MPP7: variants seen among roughly 807,000 people sequenced by gnomAD.
MPP7 encodes MAGUK p55 scaffold protein 7, also known as MAGUK p55 subfamily member 7.
MPP7 carries 60 observed loss-of-function variants against 76.5 expected under a neutral mutation model. The observed-to-expected ratio is 0.78, with a 90% CI of 0.64 to 0.97. The LOEUF (loss-of-function observed/expected upper bound fraction) is 0.97. Among genes scored for constraint, MPP7 ranks in the 50% least tolerant of loss-of-function variants. The probability of loss-of-function intolerance (pLI) is 0.00; values close to 1 mark genes in which losing one functional copy is unlikely to be tolerated. For missense variants in MPP7, 641 were observed against 694.0 expected (o/e 0.92, Z 0.86); for synonymous variants, 237 against 244.5 (o/e 0.97, Z 0.29).
In MPP7 at chr10:28,187,508, G is replaced by A. The variant is rs556285250; in HGVS notation, c.156+14645C>T. 3.9e-5 allele frequency among the ~76,000 whole-genome samples: 6 copies of A among 152,260 alleles called. No homozygotes were observed. The South Asian group carries it at 6.2e-4, about 16-fold the overall frequency. ...CAGACCAGGTGGCCATGGATCATTC[G>A]CAATGTCTGGCTGTCTTTTTGTTTT... On this transcript the variant is annotated intron_variant, in intron 3 of 16. Coordinates refer to ENST00000683449, the MANE Select transcript of MPP7 (RefSeq NM_001318170.2).
chr10:28,219,000 T>G (rs953592585), intron 2 of MPP7, among the ~76,000 whole-genome samples: 23 of 152,184 alleles, frequency 1.5e-4, no homozygotes, highest in African/African-American at 5.5e-4. Flanking sequence ...AGTATCTAGA[T>G]CTATTGATCT....
chr10:28,210,048 G>T (rs1243314022), intron 2 of MPP7, among the ~76,000 whole-genome samples: 2 of 152,094 alleles, frequency 1.3e-5, no homozygotes, highest in Non-Finnish European at 2.9e-5. Flanking sequence ...CAGGCTTCCT[G>T]GTTCTTGGGC....
At chr10:28,172,613 GAAGA>G (rs1836721116) in intron 3 of MPP7, among the ~76,000 whole-genome samples, 1 of 152,126 alleles carries the variant, frequency 6.6e-6, no homozygotes, top group Non-Finnish European at 1.5e-5. Flanking sequence ...AAGTTCCAAA[GAAGA>G]AAGATAAATC....
intron 1 of MPP7, among the ~76,000 whole-genome samples, chr10:28,246,321 G>C (rs1490814694): frequency 2.0e-5 from 3 of 151,934 alleles, no homozygotes; most frequent in Admixed American, 2.0e-4. Flanking sequence ...AAAAAAATCT[G>C]CCAATCAAGA....
chr10:28,119,899 C>G (rs1834776457), intron 10 of MPP7, among the ~76,000 whole-genome samples, 184 bp from the exon 11 acceptor site: 1 of 151,988 alleles, frequency 6.6e-6, no homozygotes. Flanking sequence ...TCTTCCCTCC[C>G]TCCAAAACCA....
At chr10:28,183,369 G>T (rs991240616) in intron 3 of MPP7, among the ~76,000 whole-genome samples, 1 of 152,120 alleles carries the variant, frequency 6.6e-6, no homozygotes, top group Non-Finnish European at 1.5e-5. Context: ...CATTTTAAGG[G>T]AAAGAAAAGT....
intron 1 of MPP7, among the ~76,000 whole-genome samples, chr10:28,262,194 TA>T (rs1839977953): frequency 1.5e-4 from 3 of 19,534 alleles, no homozygotes; most frequent in Non-Finnish European, 3.6e-4. Flanking sequence ...ATTATATATA[TA>T]TATATATATA....
rs1840298620 is a variant in MPP7, at chr10:28,270,615, A to G, written c.-131-31880T>C. 2.6e-5 allele frequency among the ~76,000 whole-genome samples: 4 copies of G among 151,096 alleles called. No individual in the cohort carries two copies. In the Admixed American group the frequency reaches 2.7e-4, roughly 10 times the overall value. On this transcript the variant is annotated intron_variant, in intron 1 of 16. Coordinates refer to ENST00000683449, the MANE Select transcript of MPP7 (RefSeq NM_001318170.2). The stretch of plus-strand genomic sequence containing the variant: ...GGGGAAAGGCACGTGTGCCTACTTC[A>G]GTTCTATCTGCAGCGCCTGTTCAAC...
chr10:28,231,254 C>G (rs1588957612), intron 2 of MPP7, among the ~76,000 whole-genome samples: 1 of 150,560 alleles, frequency 6.6e-6, no homozygotes, highest in East Asian at 1.9e-4. Flanking sequence ...AAAGCAAACA[C>G]TTAATAAAAT....
intron 7 of MPP7, among the ~76,000 whole-genome samples, chr10:28,124,466 A>ATTTTTTTTT (rs5784042): frequency 1.2e-5 from 1 of 80,082 alleles, no homozygotes; most frequent in African/African-American, 5.0e-5. Flanking sequence ...AAGAAACAAG[A>ATTTTTTTTT]TTTTTTTTTT....
At chr10:28,103,954 ATTG>A (rs1564632084) in intron 11 of MPP7, among the ~76,000 whole-genome samples, 1 of 152,148 alleles carries the variant, frequency 6.6e-6, no homozygotes, top group Non-Finnish European at 1.5e-5. Flanking sequence ...ACCATGTGAA[ATTG>A]CTGGCATTGT....
intron 12 of MPP7, among the ~76,000 whole-genome samples, chr10:28,081,586 A>G (rs563438357): frequency 2.0e-5 from 3 of 152,310 alleles, no homozygotes; most frequent in East Asian, 3.9e-4. Flanking sequence ...TATTTTTGCC[A>G]TGGTAACAAC....
intron 1 of MPP7, among the ~76,000 whole-genome samples, chr10:28,333,599 A>G (rs949104274): frequency 1.1e-4 from 17 of 152,248 alleles, no homozygotes; most frequent in Non-Finnish European, 2.2e-4. Context: ...TGAAACTACA[A>G]CAAGCAGGAA....
At chr10:28,087,948 C>T (rs1172428396) in intron 12 of MPP7, among the ~76,000 whole-genome samples, 4 of 152,126 alleles carry the variant, frequency 2.6e-5, no homozygotes, top group Non-Finnish European at 5.9e-5. Flanking sequence ...CTTGAGGAGG[C>T]TCAGTATAAA....
chr10:28,134,270 G>A (rs958261445), intron 5 of MPP7, among the ~76,000 whole-genome samples: 3 of 152,114 alleles, frequency 2.0e-5, no homozygotes, highest in Non-Finnish European at 4.4e-5. Context: ...TAAAATGAAT[G>A]AGAACGAAAC....
intron 2 of MPP7, among the ~76,000 whole-genome samples, chr10:28,329,750 T>C (rs899746310): frequency 1.3e-5 from 2 of 152,132 alleles, no homozygotes; most frequent in African/African-American, 2.4e-5. Flanking sequence ...TTAAATTAAA[T>C]GATCAAAATG....
chr10:28,322,969 A>G (rs1834380301), intron 2 of MPP7, among the ~76,000 whole-genome samples: 1 of 152,072 alleles, frequency 6.6e-6, no homozygotes, highest in African/African-American at 2.4e-5. Flanking sequence ...ACTGGACAAC[A>G]TAATAAGACC....
At chr10:28,204,587 T>G (rs995759666) in intron 2 of MPP7, among the ~76,000 whole-genome samples, 2 of 152,182 alleles carry the variant, frequency 1.3e-5, no homozygotes, top group Non-Finnish European at 2.9e-5. Context: ...CTATTATAAT[T>G]ATGCAAGATG....
At chr10:28,127,986 G>C (rs949612882) in intron 6 of MPP7, among the ~76,000 whole-genome samples, 2 of 152,184 alleles carry the variant, frequency 1.3e-5, no homozygotes, top group African/African-American at 4.8e-5. Context: ...GCTCAAGAGC[G>C]AGCAAGGCAG....
Sources: gnomAD v4.1 joint callset for allele counts (sites outside exome capture counted in the v4.1 genomes callset) on GRCh38, gnomAD v4.1.1 for gene constraint, MANE v1.5 for transcripts, NCBI Gene and HGNC (gene_info 2026-07-23, HGNC 2026-07-21) for gene names.